The following MBP variants were observed in gnomAD, a reference collection of about 807,000 sequenced individuals.
MBP encodes Golli-MBP.
MBP carries 16 observed loss-of-function variants against 35.8 expected under a neutral mutation model. The ratio of observed to expected loss-of-function variants is 0.45; its 90% CI spans 0.30 to 0.68. The LOEUF (loss-of-function observed/expected upper bound fraction) is 0.68. Among genes scored for constraint, MBP ranks in the 30% least tolerant of loss-of-function variants. The pLI is 0.08. For missense variants in MBP, 380 were observed against 404.7 expected, an observed-to-expected ratio of 0.94 and a Z score of 0.52; for synonymous variants, 143 against 159.6, an observed-to-expected ratio of 0.90 and a Z score of 0.78.
chr18:77,014,506 C>T (rs1222232993), intron 4 of MBP: 2 of 985,330 alleles, frequency 2.0e-6, no homozygotes, highest in Non-Finnish European at 2.4e-6. Flanking sequence ...CCTCTTCGGC[C>T]TATCCCAAGG....
intron 1 of MBP, among the ~76,000 whole-genome samples, chr18:77,132,348 G>A (rs1359664337): frequency 6.6e-6 from 1 of 152,134 alleles, no homozygotes; most frequent in Non-Finnish European, 1.5e-5. Context: ...GGAGGCCGCC[G>A]GCTGCTACCT....
intron 1 of MBP, chr18:77,112,981 C>A (rs1213491824): frequency 6.6e-6 from 1 of 152,048 alleles, no homozygotes; most frequent in Non-Finnish European, 1.5e-5. Flanking sequence ...CTCTTGTTGC[C>A]GAGGCTGGAG....
intron 3 of MBP, among the ~76,000 whole-genome samples, chr18:77,029,791 C>A (rs1416371002): frequency 8.1e-6 from 1 of 123,348 alleles, no homozygotes; most frequent in Non-Finnish European, 1.9e-5. Flanking sequence ...CACACACACA[C>A]AAACACACAC....
At chr18:77,110,498 T>C (rs2145160774) in intron 1 of MBP, 1 of 152,038 alleles carries the variant, frequency 6.6e-6, no homozygotes, top group South Asian at 2.1e-4. Flanking sequence ...TTTCCCATGC[T>C]TGTGTCACAA....
chr18:76,996,262 A>G (rs1970264294), intron 4 of MBP, among the ~76,000 whole-genome samples: 2 of 152,226 alleles, frequency 1.3e-5, no homozygotes, highest in South Asian at 4.1e-4. Flanking sequence ...TACTTACCAT[A>G]TGACCCTGTA....
At chr18:77,127,761 A>G (rs1233874127) in intron 1 of MBP, 1 of 152,220 alleles carries the variant, frequency 6.6e-6, no homozygotes, top group Non-Finnish European at 1.5e-5. Flanking sequence ...ACAGATGGCC[A>G]TAAGTACATA....
chr18:77,100,465 G>A (rs1329142427), intron 2 of MBP, among the ~76,000 whole-genome samples: 1 of 151,966 alleles, frequency 6.6e-6, no homozygotes, highest in Non-Finnish European at 1.5e-5. Flanking sequence ...TGGCTCACAG[G>A]AGGCACTAAT....
intron 4 of MBP, among the ~76,000 whole-genome samples, chr18:77,012,200 C>T (rs960635329): frequency 6.6e-6 from 1 of 152,204 alleles, no homozygotes; most frequent in Non-Finnish European, 1.5e-5. Context: ...CACTCATTAT[C>T]ATCTTTCAGA....
In MBP at chr18:76,988,063, T is replaced by C; in HGVS notation, c.750+432A>G. On this transcript the variant is annotated intron_variant, in intron 7 of 8. Transcript: ENST00000355994. This position sits in a 1 kb window ranked among gnomAD's most constrained non-coding sequence, Gnocchi z 5.2. The stretch of plus-strand genomic sequence containing the variant: ...CCTCTTTTTCTGTTCATCAGCAGAA[T>C]CATTTTCCCAGTGTCAGCATCTGGG... 6.9e-7 allele frequency: 1 copy of C among 1,441,792 alleles called. No homozygotes were observed. Among genetic ancestry groups the C allele is most frequent in the Non-Finnish European group, 9.1e-7 (1 of 1,099,744 alleles). 89.3% of individuals were successfully genotyped at this position (1,441,792 alleles called of 1,614,324 possible). A position where few individuals can be genotyped will look rare whatever the true frequency, so the allele number is the denominator to read the frequency against.
intron 8 of MBP, 112 bp from the exon 9 acceptor site, chr18:76,980,583 T>C: frequency 1.3e-6 from 1 of 794,660 alleles, no homozygotes; most frequent in Non-Finnish European, 2.2e-6. Context: ...GTCTCTCTCA[T>C]CTGCTAATAG....
At position 76,988,175 on chromosome 18, in the gene MBP, T is replaced by C; in HGVS notation, c.750+320A>G. On this transcript the variant is annotated intron_variant, in intron 7 of 8. Transcript: ENST00000355994. The surrounding 1 kb of genome is among the most constrained non-coding windows in gnomAD (Gnocchi z 5.2). ...GGTTGTGTTGGAGGAAGTTAAACAT[T>C]TTCTCGGACGTGGTGTTGCTCCCTC... The C allele has an allele frequency of 1.3e-6, 2 of 1,541,742 alleles. No homozygotes were observed. Among genetic ancestry groups the C allele is most frequent in the Non-Finnish European group, 1.7e-6 (2 of 1,146,810 alleles).
chr18:76,986,906 C>T, intron 7 of MBP: 3 of 985,420 alleles, frequency 3.0e-6, no homozygotes, highest in Non-Finnish European at 3.6e-6. Context: ...TAGAATGTAC[C>T]AGGAAACACA....
intron 3 of MBP, among the ~76,000 whole-genome samples, chr18:77,031,900 G>A (rs530334734): frequency 3.9e-5 from 6 of 152,184 alleles, no homozygotes; most frequent in South Asian, 2.1e-4. Context: ...GGCTTTTGTC[G>A]AGCACTCAGC....
At chr18:77,052,514 T>C (rs951088862) in intron 3 of MBP, among the ~76,000 whole-genome samples, 10 of 152,226 alleles carry the variant, frequency 6.6e-5, no homozygotes, top group Non-Finnish European at 1.2e-4. Context: ...AGTTGTCCCA[T>C]TGTGGCTGTG....
intron 3 of MBP, among the ~76,000 whole-genome samples, chr18:77,026,996 C>T (rs1346230361): frequency 6.6e-6 from 1 of 152,176 alleles, no homozygotes; most frequent in Non-Finnish European, 1.5e-5. Context: ...ACAATAAGCT[C>T]TAAGACATGC....
chr18:77,007,392 A>G (rs971365218), intron 4 of MBP, among the ~76,000 whole-genome samples: 10 of 152,180 alleles, frequency 6.6e-5, no homozygotes, highest in African/African-American at 2.2e-4. Flanking sequence ...GGGGGCTCTC[A>G]GACCAGCCCG....
At position 77,065,941 on chromosome 18, in the gene MBP, T is replaced by G. The variant is rs541744503; in HGVS notation, c.139+357A>C. On this transcript the variant is annotated intron_variant, in intron 3 of 8. Transcript: ENST00000355994. ...GGAGCAATCATAGCTCACTGCAGCC[T>G]CGACCTCCTGGGCCCAAGTGATCCT... 2.2e-3 allele frequency: 480 copies of G among 214,224 alleles called. 3 individuals are homozygous for G. Among genetic ancestry groups the G allele is most frequent in the Middle Eastern group, 0.012 (7 of 576 alleles). 13.3% of individuals were successfully genotyped at this position (214,224 alleles called of 1,614,324 possible).
chr18:77,107,922 T>A (rs1024936927), intron 1 of MBP, among the ~76,000 whole-genome samples: 1 of 152,222 alleles, frequency 6.6e-6, no homozygotes, highest in African/African-American at 2.4e-5. Flanking sequence ...AATTCTAGCC[T>A]TAAATGCAAA....
chr18:77,041,126 C>T (rs1317582112), intron 3 of MBP, among the ~76,000 whole-genome samples: 2 of 152,162 alleles, frequency 1.3e-5, no homozygotes, highest in African/African-American at 4.8e-5. Flanking sequence ...AGGATATGAA[C>T]AGACACTTCT....
Sources: gnomAD v4.1 joint callset for allele counts (sites outside exome capture counted in the v4.1 genomes callset) on GRCh38, gnomAD v4.1.1 for gene constraint, Gnocchi (gnomAD v3.1) non-coding constraint, MANE v1.5 for transcripts, NCBI Gene and HGNC (gene_info 2026-07-23, HGNC 2026-07-21) for gene names.